Variants in ACYP1 observed in about 807,000 individuals in gnomAD.
ACYP1 encodes acylphosphatase 1.
In ACYP1, 8 loss-of-function variants were observed where a neutral mutation model predicts 10.4. The observed-to-expected ratio is 0.77, with a 90% CI of 0.45 to 1.38. ACYP1 has a LOEUF of 1.38. ACYP1 is among the 40% of genes most tolerant of loss of function. The probability of loss-of-function intolerance (pLI) is 0.00; values close to 1 mark genes in which losing one functional copy is unlikely to be tolerated. For synonymous variants in ACYP1, 38 were observed against 40.8 expected, an observed-to-expected ratio of 0.93 and a Z score of 0.26; for missense variants, 93 against 117.3, an observed-to-expected ratio of 0.79 and a Z score of 0.96.
chr14:75,064,023 G>A lies in ACYP1; in HGVS notation c.-78C>T. On this transcript the variant is annotated 5_prime_UTR_variant, in exon 1 of 3. Coordinates refer to ENST00000238618, the MANE Select transcript of ACYP1 (RefSeq NM_001107.5). ...CCACGCCAACGGCTCACCAAGGCGC[G>A]CAAACCTCCGCGCCCGGAAGTTTAG... The A allele has an allele frequency of 1.0e-6, 1 of 988,122 alleles. No homozygotes were observed. Among genetic ancestry groups the A allele is most frequent in the Non-Finnish European group, 1.2e-6 (1 of 831,418 alleles). The allele number at this position is 988,122 out of a possible 1,614,324, so 61.2% of individuals were successfully genotyped here. A position where few individuals can be genotyped will look rare whatever the true frequency, so the allele number is the denominator to read the frequency against.
chr14:75,063,203 C>T lies in ACYP1; in HGVS notation c.84+267G>A, dbSNP rs1893071470. 17 of 445,602 alleles carry T rather than the reference C, an allele frequency of 3.8e-5. No homozygotes were observed. In the South Asian group the frequency reaches 4.5e-4, roughly 12 times the overall value. 27.6% of individuals were successfully genotyped at this position (445,602 alleles called of 1,614,324 possible). On this transcript the variant is annotated intron_variant, in intron 2 of 2. Coordinates refer to ENST00000238618, the MANE Select transcript of ACYP1 (RefSeq NM_001107.5). Reference sequence around the variant, plus strand: ...CAACGGCGAGCACTGGGGAAGCCCTCTATTTCCCTTGGAAGAGAGAAGCTC... The same window carrying T: ...CAACGGCGAGCACTGGGGAAGCCCTTTATTTCCCTTGGAAGAGAGAAGCTC...
At chr14:75,065,013 C>A (rs1172291549), upstream of ACYP1, among the ~76,000 whole-genome samples, 1 of 152,186 alleles carries the variant, frequency 6.6e-6, no homozygotes, top group African/African-American at 2.4e-5. Context: ...AGAGCACAAG[C>A]AAAATAACTC....
intron 2 of ACYP1, among the ~76,000 whole-genome samples, chr14:75,055,085 T>C (rs1378294498): frequency 7.6e-6 from 1 of 131,766 alleles, no homozygotes; most frequent in Non-Finnish European, 1.6e-5. Flanking sequence ...AACTCTTTTT[T>C]TTTTTTTTTT....
chr14:75,054,229 A>G (rs1892820022), intron 2 of ACYP1, among the ~76,000 whole-genome samples: 1 of 152,034 alleles, frequency 6.6e-6, no homozygotes, highest in Non-Finnish European at 1.5e-5. Flanking sequence ...CAACATCTTT[A>G]TGTTGTAGCC....
chr14:75,057,987 A>AAAAAAAAT (rs1304812247), intron 2 of ACYP1, among the ~76,000 whole-genome samples: 1 of 147,580 alleles, frequency 6.8e-6, no homozygotes, highest in East Asian at 2.0e-4. Context: ...AAAAAAAAAA[A>AAAAAAAAT]AGAACTACCT....
chr14:75,061,076 T>TCAACAACAACAA (rs75596450), intron 2 of ACYP1, among the ~76,000 whole-genome samples: 1 of 150,254 alleles, frequency 6.7e-6, no homozygotes, highest in African/African-American at 2.5e-5. Flanking sequence ...AGACTCTGTC[T>TCAACAACAACAA]CAACAACAAC....
intron 2 of ACYP1, among the ~76,000 whole-genome samples, chr14:75,062,501 A>T (rs566747109): frequency 6.6e-6 from 1 of 152,092 alleles, no homozygotes; most frequent in Admixed American, 6.5e-5. Context: ...CCACAGTCCC[A>T]GGAATGAGAC....
At chr14:75,067,952 T>C (rs912648903), upstream of ACYP1, among the ~76,000 whole-genome samples, 1 of 151,004 alleles carries the variant, frequency 6.6e-6, no homozygotes, top group African/African-American at 2.4e-5. Context: ...TGAGCAGTGA[T>C]TGTGCCACTG....
chr14:75,068,425 AGAACTCAATG>A (rs1208860271), upstream of ACYP1, among the ~76,000 whole-genome samples: 4 of 152,208 alleles, frequency 2.6e-5, no homozygotes, highest in African/African-American at 4.8e-5. Context: ...CTAATTCAAG[AGAACTCAATG>A]GAACTCAATG....
chr14:75,063,621 G>T, intron 1 of ACYP1, 60 bp from the exon 2 acceptor site: 1 of 1,407,340 alleles, frequency 7.1e-7, no homozygotes, highest in South Asian at 1.2e-5. Flanking sequence ...CCGCAAGCCT[G>T]AGTCAGAAAG....
rs930198380 is a variant in ACYP1, at chr14:75,060,256, T to G, written c.84+3214A>C. On this transcript the variant is annotated intron_variant, in intron 2 of 2. Transcript: ENST00000238618. ...TTGATTTAAATCCTTTTAAATTCAT[T>G]AATACCTGAAAAACAAACAAACAAC... 1.3e-5 allele frequency: 9 copies of G among 693,484 alleles called. No homozygotes were observed. In the African/African-American group the frequency reaches 1.4e-4, roughly 11 times the overall value. The allele number at this position is 693,484 out of a possible 1,614,324, so 43.0% of individuals were successfully genotyped here. A position where few individuals can be genotyped will look rare whatever the true frequency, so the allele number is the denominator to read the frequency against.
At chr14:75,059,223 G>A (rs1184392670) in intron 2 of ACYP1, among the ~76,000 whole-genome samples, 1 of 145,056 alleles carries the variant, frequency 6.9e-6, no homozygotes, top group Non-Finnish European at 1.5e-5. Flanking sequence ...AGGCATGACA[G>A]CAGCTGGGTG....
chr14:75,063,842 C>T (rs1893091375), intron 1 of ACYP1, 112 bp downstream of exon 1: 1 of 812,960 alleles, frequency 1.2e-6, no homozygotes, highest in Non-Finnish European at 1.6e-6. Context: ...ATGCCCGGTC[C>T]CGCTCCCTCA....
At chr14:75,069,275 C>A in exon 1 of ACYP1, 1 of 1,451,494 alleles carries the variant, frequency 6.9e-7, no homozygotes, top group Non-Finnish European at 9.0e-7. Context: ...TCCCGCCAGG[C>A]GGGCGGACGC....
chr14:75,067,226 CAT>C (rs370914503), upstream of ACYP1, among the ~76,000 whole-genome samples: 13 of 142,756 alleles, frequency 9.1e-5, no homozygotes, highest in African/African-American at 3.4e-4. Context: ...CACACACACA[CAT>C]ATATATGAAA....
rs175509 is a variant in ACYP1 at position 75,058,173 on chromosome 14, G to A, written c.85-4514C>T. On this transcript the variant is annotated intron_variant, in intron 2 of 2. Coordinates refer to ENST00000238618, the MANE Select transcript of ACYP1 (RefSeq NM_001107.5). The stretch of plus-strand genomic sequence containing the variant: ...CTTTTTAACAACCAGTTCTCACCGG[G>A]CACGGTGGCTCACACCTGTAATCCC... Among the ~76,000 whole-genome samples, 1,422 of 150,814 alleles carry A rather than the reference G, an allele frequency of 9.4e-3. 22 individuals are homozygous for A. The highest frequency in any genetic ancestry group is 0.017 in the Middle Eastern group (5 of 294).
chr14:75,056,851 AC>A (rs1036063965), intron 2 of ACYP1, among the ~76,000 whole-genome samples: 26 of 151,780 alleles, frequency 1.7e-4, no homozygotes, highest in African/African-American at 6.3e-4. Context: ...CAAACTAGGA[AC>A]AGAAGGAAAC....
At chr14:75,066,443 T>G (rs1893144118), upstream of ACYP1, among the ~76,000 whole-genome samples, 2 of 152,194 alleles carry the variant, frequency 1.3e-5, no homozygotes, top group South Asian at 4.1e-4. Flanking sequence ...AGGATGGGTT[T>G]GAAGAGCAGA....
rs940531258 is a variant in ACYP1 at position 75,056,605 on chromosome 14, T to G, written c.85-2946A>C. 9.9e-5 allele frequency among the ~76,000 whole-genome samples: 15 copies of G among 151,364 alleles called. 2 individuals carry two copies. The highest frequency in any genetic ancestry group is 3.7e-4 in the African/African-American group (15 of 40,822). ...CCAAAAAACCATAGACCAATATCTC[T>G]TATGAACAGAGATGCAAAAATCATC... On this transcript the variant is annotated intron_variant, in intron 2 of 2. Transcript: ENST00000238618.
Sources: allele counts gnomAD v4.1 joint callset (sites outside exome capture counted in the v4.1 genomes callset), GRCh38; gene constraint gnomAD v4.1.1; transcripts MANE v1.5; gene names NCBI Gene and HGNC (gene_info 2026-07-23, HGNC 2026-07-21).